MAN1C1: variants seen among roughly 807,000 people sequenced by gnomAD.
MAN1C1 encodes the protein mannosyl-oligosaccharide 1,2-alpha-mannosidase IC.
MAN1C1 carries 49 observed loss-of-function variants against 71.5 expected under a neutral mutation model. The ratio of observed to expected loss-of-function variants is 0.69; its 90% CI spans 0.54 to 0.87. MAN1C1 has a LOEUF of 0.87. Ranked by LOEUF, MAN1C1 falls within the 40% of genes least tolerant of loss-of-function variation. The probability of loss-of-function intolerance (pLI) is 0.00; values close to 1 mark genes in which losing one functional copy is unlikely to be tolerated. For missense variants in MAN1C1, 743 were observed against 835.0 expected (o/e 0.89, Z 1.36); for synonymous variants, 352 against 343.7 (o/e 1.02, Z -0.27).
At chr1:25,624,577 A>G (rs897393688) in intron 1 of MAN1C1, among the ~76,000 whole-genome samples, 23 of 152,374 alleles carry the variant, frequency 1.5e-4, no homozygotes, top group African/African-American at 5.3e-4. Context: ...TAACTTTTAC[A>G]GAAGAAACTT....
chr1:25,697,725 C>T (rs1427277946), intron 2 of MAN1C1, among the ~76,000 whole-genome samples: 2 of 152,096 alleles, frequency 1.3e-5, no homozygotes, highest in South Asian at 2.1e-4. Context: ...AATGAGGAGT[C>T]GTTTATGTTG....
At chr1:25,718,964 G>A (rs918671843) in intron 2 of MAN1C1, among the ~76,000 whole-genome samples, 1 of 151,562 alleles carries the variant, frequency 6.6e-6, no homozygotes, top group African/African-American at 2.4e-5. Context: ...CTGAAGAACT[G>A]CCAAATTGTT....
intron 3 of MAN1C1, among the ~76,000 whole-genome samples, chr1:25,748,227 C>T (rs2047164352): frequency 6.6e-6 from 1 of 152,130 alleles, no homozygotes; most frequent in African/African-American, 2.4e-5. Context: ...GTCACTCGAC[C>T]TCGAACCTTG....
At position 25,778,314 on chromosome 1, in the gene MAN1C1, C is replaced by T. The variant is rs944298097; in HGVS notation, c.1467C>T (p.Tyr489=). Residue 489 remains tyrosine (Y), a synonymous_variant, in exon 9 of 12, where the codon TAC becomes TAT. Transcript: ENST00000374332. The surrounding 1 kb of genome is among the most constrained non-coding windows in gnomAD (Gnocchi z 5.5). The part of the protein sequence containing the change: ...AQITKTCHES[Y]ARSDTKLGPE... ...TCACCAAGACGTGTCACGAGTCATA[C>T]GCCCGCTCAGGTAACCCTGCAAGGG... 1.2e-6 allele frequency: 2 copies of T among 1,609,712 alleles called. No individual in the cohort carries two copies. Among genetic ancestry groups the T allele is most frequent in the Admixed American group, 3.4e-5 (2 of 59,610 alleles).
intron 2 of MAN1C1, among the ~76,000 whole-genome samples, chr1:25,688,587 G>T (rs904530109): frequency 6.6e-6 from 1 of 152,084 alleles, no homozygotes; most frequent in African/African-American, 2.4e-5. Context: ...CAACCCTCTG[G>T]CCCCTTTCCA....
At chr1:25,771,549 T>A (rs1006642475) in intron 7 of MAN1C1, 108 bp from the exon 8 acceptor site, 21 of 784,002 alleles carry the variant, frequency 2.7e-5, no homozygotes, top group Admixed American at 6.2e-5. Context: ...GCCCGCTTCC[T>A]ACCCGTACAG....
At chr1:25,658,596 G>A (rs1025979309) in intron 1 of MAN1C1, among the ~76,000 whole-genome samples, 3 of 152,114 alleles carry the variant, frequency 2.0e-5, no homozygotes, top group South Asian at 4.2e-4. Context: ...GACTACAGGC[G>A]CATGCCACCA....
chr1:25,648,446 C>G (rs1448434850), intron 1 of MAN1C1, among the ~76,000 whole-genome samples: 1 of 152,134 alleles, frequency 6.6e-6, no homozygotes, highest in African/African-American at 2.4e-5. Flanking sequence ...TTGCCAAGAA[C>G]CTGGAGGAGG....
At chr1:25,691,796 A>G (rs1383000618) in intron 2 of MAN1C1, among the ~76,000 whole-genome samples, 1 of 152,190 alleles carries the variant, frequency 6.6e-6, no homozygotes, top group Admixed American at 6.5e-5. Flanking sequence ...AGCAGCTTAC[A>G]CTGGAACTTT....
chr1:25,618,413 CT>C, intron 1 of MAN1C1, 76 bp downstream of exon 1: 1 of 1,408,882 alleles, frequency 7.1e-7, no homozygotes, highest in Non-Finnish European at 9.6e-7. Flanking sequence ...GCTCCCACCC[CT>C]TTCCCTTGCC....
intron 2 of MAN1C1, among the ~76,000 whole-genome samples, chr1:25,710,341 G>A (rs951795598): frequency 6.6e-6 from 1 of 152,192 alleles, no homozygotes; most frequent in African/African-American, 2.4e-5. Context: ...TAAAAGCCTG[G>A]CCTGCCCAGG....
At chr1:25,722,844 C>A (rs994896698) in intron 2 of MAN1C1, among the ~76,000 whole-genome samples, 3 of 152,098 alleles carry the variant, frequency 2.0e-5, no homozygotes, top group Admixed American at 6.6e-5. Context: ...GACTGATAAT[C>A]CCAGTAGGAT....
intron 2 of MAN1C1, among the ~76,000 whole-genome samples, chr1:25,687,125 G>A (rs1195021440): frequency 6.6e-6 from 1 of 152,152 alleles, no homozygotes; most frequent in Non-Finnish European, 1.5e-5. Flanking sequence ...GACAACAGCA[G>A]CAAAAACAAA....
intron 1 of MAN1C1, chr1:25,645,621 T>C (rs1040215837): frequency 6.6e-6 from 1 of 152,252 alleles, no homozygotes; most frequent in Non-Finnish European, 1.5e-5. Flanking sequence ...ACCATGTTCC[T>C]CTCAGTTTCT....
chr1:25,761,962 C>G (rs550817919), intron 6 of MAN1C1, among the ~76,000 whole-genome samples: 1 of 152,096 alleles, frequency 6.6e-6, no homozygotes, highest in South Asian at 2.1e-4. Flanking sequence ...TATTACATTG[C>G]ACTTATAAGT....
chr1:25,731,907 C>A (rs1388165099), intron 2 of MAN1C1, among the ~76,000 whole-genome samples: 1 of 152,206 alleles, frequency 6.6e-6, no homozygotes, highest in African/African-American at 2.4e-5. Context: ...TTACTCCAAA[C>A]CTACCATGCA....
At chr1:25,690,386 A>G (rs924180740) in intron 2 of MAN1C1, among the ~76,000 whole-genome samples, 17 of 140,922 alleles carry the variant, frequency 1.2e-4, no homozygotes, top group Non-Finnish European at 2.2e-4. Context: ...GCTGCCTCCC[A>G]GGTTCAAGTG....
At chr1:25,636,694 G>A (rs893184119) in intron 1 of MAN1C1, among the ~76,000 whole-genome samples, 6 of 152,174 alleles carry the variant, frequency 3.9e-5, no homozygotes, top group African/African-American at 7.2e-5. Context: ...CTGAGGTGAC[G>A]TACATCCTCA....
chr1:25,651,723 C>T (rs2045695523), intron 1 of MAN1C1, among the ~76,000 whole-genome samples: 2 of 152,132 alleles, frequency 1.3e-5, no homozygotes, highest in East Asian at 1.9e-4. Context: ...TGTTATAATC[C>T]CCACCCTGGC....
Sources: allele counts gnomAD v4.1 joint callset (sites outside exome capture counted in the v4.1 genomes callset), GRCh38; gene constraint gnomAD v4.1.1; non-coding constraint Gnocchi (gnomAD v3.1); transcripts MANE v1.5; gene names NCBI Gene and HGNC (gene_info 2026-07-23, HGNC 2026-07-21).